ERBB2: variants seen among roughly 807,000 people sequenced by gnomAD.
ERBB2 encodes receptor tyrosine-protein kinase erbB-2.
In ERBB2, 61 loss-of-function variants were observed where a neutral mutation model predicts 149.0. The observed-to-expected ratio is 0.41, with a 90% confidence interval of 0.33 to 0.51. The LOEUF (loss-of-function observed/expected upper bound fraction) is 0.51. ERBB2 is among the 20% of genes least tolerant of loss of function. The probability of loss-of-function intolerance (pLI) is 0.25; values close to 1 mark genes in which losing one functional copy is unlikely to be tolerated. For missense variants in ERBB2, 1,205 were observed against 1,655.1 expected (o/e 0.73, Z 4.72); for synonymous variants, 633 against 678.8 (o/e 0.93, Z 1.05).
chr17:39,700,391 G>A lies in ERBB2; in HGVS notation c.73+80G>A, dbSNP rs959235459. Reference sequence around the variant, plus strand: ...GCCCCGCCGAGGTCCCGCGGCCGGCGGGGCCAGAGGGGCCCGGACGAGCTC... The same window carrying A: ...GCCCCGCCGAGGTCCCGCGGCCGGCAGGGCCAGAGGGGCCCGGACGAGCTC... On this transcript the variant is annotated intron_variant, in intron 1 of 26. Transcript: ENST00000269571. The A allele has an allele frequency of 6.3e-6, 7 of 1,118,590 alleles. No homozygotes were observed. The African/African-American group carries it at 9.7e-5, about 16-fold the overall frequency. The allele number at this position is 1,118,590 out of a possible 1,614,324, so 69.3% of individuals were successfully genotyped here. A position where few individuals can be genotyped will look rare whatever the true frequency, so the allele number is the denominator to read the frequency against.
In ERBB2 at chr17:39,724,942, C is replaced by T. The variant is rs200553454; in HGVS notation, c.2493+31C>T. ...CACCTGGGCTCTTTGCAGGTCTCTCCGGAGCAAACCCCTATGTCCACAAGG... is the reference window on the plus strand; with the variant it reads ...CACCTGGGCTCTTTGCAGGTCTCTCTGGAGCAAACCCCTATGTCCACAAGG... On this transcript the variant is annotated intron_variant, in intron 20 of 26. Coordinates refer to ENST00000269571, the MANE Select transcript of ERBB2 (RefSeq NM_004448.4). 2.0e-4 allele frequency: 315 copies of T among 1,609,624 alleles called. No individual in the cohort carries two copies. In the African/African-American group the frequency reaches 2.5e-3, roughly 13 times the overall value.
chr17:39,723,836 C>A lies in ERBB2; in HGVS notation c.2209-76C>A. The stretch of plus-strand genomic sequence containing the variant: ...AGGGTGGTGAAGGATGTTTGGAGGA[C>A]AAGTAATGATCTCCTGGAAGGCAGG... On this transcript the variant is annotated intron_variant, in intron 18 of 26. Coordinates refer to ENST00000269571, the MANE Select transcript of ERBB2 (RefSeq NM_004448.4). The surrounding 1 kb of genome is among the most constrained non-coding windows in gnomAD (Gnocchi z 6.2). 1 of 1,499,770 alleles carries A rather than the reference C, an allele frequency of 6.7e-7. No individual in the cohort carries two copies. Among genetic ancestry groups the A allele is most frequent in the South Asian group, 1.2e-5 (1 of 86,912 alleles). 92.9% of individuals were successfully genotyped at this position (1,499,770 alleles called of 1,614,324 possible).
Position 39,716,306 on chromosome 17 carries a change from G to A in ERBB2, c.1519G>A (p.Glu507Lys), listed in dbSNP as rs1293998208. 3 of 1,589,982 alleles carry A rather than the reference G, an allele frequency of 1.9e-6. No homozygotes were observed. The highest frequency in any genetic ancestry group is 2.7e-5 in the African/African-American group (2 of 74,114). ...ANRPEDECVG[E>K]GLACHQLCAR... ...TCCCTTCCTCCTCACTGCAGTGGGC[G>A]AGGGCCTGGCCTGCCACCAGCTGTG... The change falls in exon 13 of 27, where the codon GAG becomes AAG. Residue 507 changes from glutamate to lysine, a missense_variant. Transcript: ENST00000269571.
Position 39,707,104 on chromosome 17 carries a change from C to T in ERBB2, c.188C>T (p.Thr63Ile), listed in dbSNP as rs753655456. 7 of 1,601,476 alleles carry T rather than the reference C, an allele frequency of 4.4e-6. 1 individual carries two copies. Among genetic ancestry groups the T allele is most frequent in the South Asian group, 3.4e-5 (3 of 89,318 alleles). The change falls in exon 2 of 27, where the codon ACC (threonine) becomes ATC (isoleucine). Residue 63 changes from threonine to isoleucine, a missense_variant. Coordinates refer to ENST00000269571, the MANE Select transcript of ERBB2 (RefSeq NM_004448.4). The part of the protein sequence containing the change: ...CQVVQGNLEL[T>I]YLPTNASLSF... ...GTGGTGCAGGGAAACCTGGAACTCA[C>T]CTACCTGCCCACCAATGCCAGCCTG...
rs547254491 is a variant in ERBB2, at chr17:39,723,879, T to C, written c.2209-33T>C. ...AAGGCAGGTAGGATCCAGCCCACGC[T>C]CTTCTCACTCATATCCTCCTCTTTC... On this transcript the variant is annotated intron_variant, in intron 18 of 26. Transcript: ENST00000269571. This position sits in a 1 kb window ranked among gnomAD's most constrained non-coding sequence, Gnocchi z 6.2. 1 of 1,578,064 alleles carries C rather than the reference T, an allele frequency of 6.3e-7. No individual in the cohort carries two copies. Among genetic ancestry groups the C allele is most frequent in the African/African-American group, 1.3e-5 (1 of 74,316 alleles).
At position 39,727,126 on chromosome 17, in the gene ERBB2, A is replaced by C. The variant is rs2059813491; in HGVS notation, c.3159+123A>C. ...CTCAAGGAAACCCCATTATCCCTAC[A>C]AAAAATTCTTACTGCCTTCCAACCC... On this transcript the variant is annotated intron_variant, in intron 25 of 26. Transcript: ENST00000269571. This position sits in a 1 kb window ranked among gnomAD's most constrained non-coding sequence, Gnocchi z 4.3. 8.0e-7 allele frequency: 1 copy of C among 1,247,746 alleles called. No homozygotes were observed. The highest frequency in any genetic ancestry group is 1.1e-6 in the Non-Finnish European group (1 of 896,908). 77.3% of individuals were successfully genotyped at this position (1,247,746 alleles called of 1,614,324 possible). A position where few individuals can be genotyped will look rare whatever the true frequency, so the allele number is the denominator to read the frequency against.
intron 16 of ERBB2, among the ~76,000 whole-genome samples, chr17:39,720,992 C>T (rs1300850314): frequency 6.6e-6 from 1 of 152,076 alleles, no homozygotes; most frequent in Non-Finnish European, 1.5e-5. Context: ...GGGTCTTGCT[C>T]TCTTGTCCAG....
At chr17:39,691,906 T>C (rs11658252), upstream of ERBB2, among the ~76,000 whole-genome samples, 2 of 90,246 alleles carry the variant, frequency 2.2e-5, no homozygotes, top group Non-Finnish European at 4.4e-5. Flanking sequence ...TATAGATATA[T>C]ATACATATAC....
At chr17:39,711,689 A>G (rs1247724293) in intron 7 of ERBB2, among the ~76,000 whole-genome samples, 1 of 152,212 alleles carries the variant, frequency 6.6e-6, no homozygotes, top group African/African-American at 2.4e-5. Context: ...CACTAGCACA[A>G]TGACCTTGAA....
In ERBB2 at chr17:39,723,483, C is replaced by G. The variant is rs1184241550; in HGVS notation, c.2085+26C>G. ...GTGAGGCGGGGTGAAGTCCTCCCAG[C>G]CCGCGTGGGGTCTGCACCGGCCCCC... On this transcript the variant is annotated intron_variant, in intron 17 of 26. Transcript: ENST00000269571. This position sits in a 1 kb window ranked among gnomAD's most constrained non-coding sequence, Gnocchi z 6.2. 6.2e-7 allele frequency: 1 copy of G among 1,613,912 alleles called. No individual in the cohort carries two copies. The highest frequency in any genetic ancestry group is 8.5e-7 in the Non-Finnish European group (1 of 1,179,932).
chr17:39,724,842 C>A lies in ERBB2; in HGVS notation c.2424C>A (p.Asp808Glu), dbSNP rs146603731. Residue 808 changes from aspartate (D) to glutamate (E), a missense_variant, in exon 20 of 27, where the codon GAC becomes GAA. This residue lies in a region of ERBB2 where 152 missense variants were observed against 318.1 expected (regional missense o/e 0.48). Coordinates refer to ENST00000269571, the MANE Select transcript of ERBB2 (RefSeq NM_004448.4). ...TTATGCCCTATGGCTGCCTCTTAGA[C>A]CATGTCCGGGAAAACCGCGGACGCC... is the stretch of plus-strand genomic sequence containing the variant. Reference protein sequence around the residue: ...TQLMPYGCLLDHVRENRGRLG... With the variant: ...TQLMPYGCLLEHVRENRGRLG... 9.0e-5 allele frequency: 146 copies of A among 1,614,114 alleles called. 1 individual carries two copies. Among genetic ancestry groups the A allele is most frequent in the Non-Finnish European group, 1.2e-4 (143 of 1,180,056 alleles).
upstream of ERBB2, among the ~76,000 whole-genome samples, chr17:39,697,349 G>GT (rs1452125824): frequency 3.7e-3 from 486 of 132,214 alleles, 6 homozygotes; most frequent in East Asian, 0.041. Context: ...TTGTTTTTTT[G>GT]TTTTGTTTTT....
At chr17:39,696,028 C>A (rs1384361539), upstream of ERBB2, among the ~76,000 whole-genome samples, 1 of 151,952 alleles carries the variant, frequency 6.6e-6, no homozygotes, top group Non-Finnish European at 1.5e-5. Flanking sequence ...CCTAGCTAGA[C>A]CCCTCTCACC....
Position 39,709,364 on chromosome 17 carries a change from C to T in ERBB2, c.486C>T (p.Cys162=), listed in dbSNP as rs775319988. 6 of 1,613,972 alleles carry T rather than the reference C, an allele frequency of 3.7e-6. No individual in the cohort carries two copies. The highest frequency in any genetic ancestry group is 5.1e-6 in the Non-Finnish European group (6 of 1,179,994). ...TGATCCAGCGGAACCCCCAGCTCTG[C>T]TACCAGGACACGATTTTGTGGAAGG... ...GVLIQRNPQL[C]YQDTILWKDI... The change falls in exon 4 of 27, where the codon TGC becomes TGT. Residue 162 remains cysteine (C), a synonymous_variant. Transcript: ENST00000269571.
chr17:39,714,295 T>C (rs934531944), intron 9 of ERBB2, among the ~76,000 whole-genome samples: 1 of 152,142 alleles, frequency 6.6e-6, no homozygotes, highest in African/African-American at 2.4e-5. Flanking sequence ...ACAGTTCCCA[T>C]TGAACTGCCT....
chr17:39,709,110 ACT>A (rs1351053857), intron 3 of ERBB2: 8 of 611,362 alleles, frequency 1.3e-5, no homozygotes, highest in Non-Finnish European at 2.3e-5. Flanking sequence ...AGCATGGACA[ACT>A]CACTCCTCCC....
upstream of ERBB2, chr17:39,699,498 T>G: frequency 6.7e-7 from 1 of 1,496,106 alleles, no homozygotes; most frequent in East Asian, 2.5e-5. Context: ...GACTGTCTCC[T>G]CCCAAATTTG....
intron 9 of ERBB2, among the ~76,000 whole-genome samples, chr17:39,712,834 C>T (rs2058889492): frequency 6.6e-6 from 1 of 152,186 alleles, no homozygotes; most frequent in African/African-American, 2.4e-5. Flanking sequence ...AAATGAACTA[C>T]CGATACAACA....
intron 9 of ERBB2, among the ~76,000 whole-genome samples, chr17:39,713,744 C>G (rs530554273): frequency 6.9e-6 from 1 of 144,922 alleles, no homozygotes; most frequent in South Asian, 2.2e-4. Context: ...CAGAGTGAGA[C>G]CCTGTCTCAA....
Sources: allele counts gnomAD v4.1 joint callset (sites outside exome capture counted in the v4.1 genomes callset), GRCh38; gene constraint gnomAD v4.1.1; regional missense constraint gnomAD v4.1.1; non-coding constraint Gnocchi (gnomAD v3.1); transcripts MANE v1.5; gene names NCBI Gene and HGNC (gene_info 2026-07-23, HGNC 2026-07-21).